PPP4R3A: variants seen among roughly 807,000 people sequenced by gnomAD.
PPP4R3A encodes the protein protein phosphatase 4 regulatory subunit 3A, also known as serine/threonine-protein phosphatase 4 regulatory subunit 3A.
PPP4R3A carries 15 observed loss-of-function variants against 91.7 expected under a neutral mutation model. The observed-to-expected ratio is 0.16, with a 90% confidence interval of 0.11 to 0.25. PPP4R3A has a LOEUF of 0.25. PPP4R3A is among the 10% of genes least tolerant of loss of function. The pLI, the probability that PPP4R3A is intolerant of heterozygous loss-of-function variation, is 1.00. For synonymous variants in PPP4R3A, 377 were observed against 348.7 expected (o/e 1.08, Z -0.91); for missense variants, 623 against 998.4 (o/e 0.62, Z 5.07).
intron 10 of PPP4R3A, 63 bp downstream of exon 10, chr14:91,470,774 A>G: frequency 6.4e-7 from 1 of 1,557,318 alleles, no homozygotes; most frequent in East Asian, 2.3e-5. Context: ...TCATTTGGGC[A>G]ATAAGATGTA....
At chr14:91,488,875 T>C (rs1242569349) in intron 2 of PPP4R3A, among the ~76,000 whole-genome samples, 1 of 149,652 alleles carries the variant, frequency 6.7e-6, no homozygotes, top group Non-Finnish European at 1.5e-5. Flanking sequence ...AGATATATAC[T>C]GTTATGAAAA....
intron 1 of PPP4R3A, among the ~76,000 whole-genome samples, chr14:91,494,585 A>G (rs1319914356): frequency 6.6e-6 from 1 of 152,220 alleles, no homozygotes; most frequent in Admixed American, 6.5e-5. Context: ...AATAAGGGCC[A>G]GGCACGGTGG....
At chr14:91,492,781 A>G (rs1371000928) in intron 1 of PPP4R3A, among the ~76,000 whole-genome samples, 1 of 152,190 alleles carries the variant, frequency 6.6e-6, no homozygotes, top group South Asian at 2.1e-4. Context: ...TTTTGGAGAA[A>G]ATACTGTTTT....
chr14:91,483,348 T>C (rs1889687091), intron 3 of PPP4R3A, among the ~76,000 whole-genome samples: 2 of 152,188 alleles, frequency 1.3e-5, no homozygotes, highest in Admixed American at 1.3e-4. Context: ...ATACTTTTCT[T>C]GAAATGTGCT....
chr14:91,470,525 T>C (rs1888770121), intron 10 of PPP4R3A, among the ~76,000 whole-genome samples: 1 of 152,228 alleles, frequency 6.6e-6, no homozygotes, highest in African/African-American at 2.4e-5. Context: ...TCACAGGCCA[T>C]GGGCTGGATC....
intron 7 of PPP4R3A, 127 bp from the exon 8 acceptor site, chr14:91,473,497 T>G (rs113956587): frequency 2.1e-6 from 2 of 957,766 alleles, no homozygotes; most frequent in Non-Finnish European, 3.0e-6. Context: ...AGTGAAATGT[T>G]TAACTCAGTT....
chr14:91,493,471 TTC>T (rs1890351045), intron 1 of PPP4R3A, among the ~76,000 whole-genome samples: 1 of 85,932 alleles, frequency 1.2e-5, no homozygotes, highest in African/African-American at 3.3e-5. Context: ...CTAGACTGGG[TTC>T]TAGACTGGGT....
At chr14:91,462,910 G>T in intron 11 of PPP4R3A, 33 bp from the exon 12 acceptor site, 1 of 1,529,826 alleles carries the variant, frequency 6.5e-7, no homozygotes, top group Non-Finnish European at 8.9e-7. Flanking sequence ...AAAAATGATA[G>T]GAAAATGTCA....
chr14:91,499,983 G>C, intron 1 of PPP4R3A, among the ~76,000 whole-genome samples: 1 of 152,132 alleles, frequency 6.6e-6, no homozygotes, highest in Non-Finnish European at 1.5e-5. Flanking sequence ...TGGTAGTACA[G>C]AGTGAGGTAT....
At chr14:91,501,768 G>C (rs146747546) in intron 1 of PPP4R3A, among the ~76,000 whole-genome samples, 1 of 150,244 alleles carries the variant, frequency 6.7e-6, no homozygotes, top group Non-Finnish European at 1.5e-5. Context: ...GCAGTGGCGC[G>C]ATCTTGGCTC....
At chr14:91,475,700 T>C (rs774105915) in intron 7 of PPP4R3A, 111 bp downstream of exon 7, 20 of 1,068,334 alleles carry the variant, frequency 1.9e-5, no homozygotes, top group Admixed American at 2.5e-5. Context: ...CTGTCTGATA[T>C]TATGGCTACA....
chr14:91,488,841 G>C (rs1890054521), intron 2 of PPP4R3A, among the ~76,000 whole-genome samples: 1 of 150,912 alleles, frequency 6.6e-6, no homozygotes, highest in South Asian at 2.1e-4. Context: ...CTGAGCCTCA[G>C]TTTCCTCATC....
chr14:91,489,984 A>G (rs1303002635), intron 2 of PPP4R3A, among the ~76,000 whole-genome samples: 2 of 152,096 alleles, frequency 1.3e-5, no homozygotes, highest in African/African-American at 4.8e-5. Flanking sequence ...TTAAAGATCA[A>G]TGATGAAGCA....
At position 91,509,668 on chromosome 14, in the gene PPP4R3A, G is replaced by T. The variant is rs749611634; in HGVS notation, c.-21C>A. The T allele has an allele frequency of 3.8e-6, 6 of 1,588,898 alleles. No homozygotes were observed. Among genetic ancestry groups the T allele is most frequent in the Non-Finnish European group, 5.1e-6 (6 of 1,174,812 alleles). On this transcript the variant is annotated 5_prime_UTR_variant, in exon 1 of 15. Coordinates refer to ENST00000554943, the MANE Select transcript of PPP4R3A (RefSeq NM_001366432.2). ...GTCATCGTGCCGCCCGGGAACCGGG[G>T]CGGGGGCCCCGCCAGTAGACGCCCA...
Position 91,486,870 on chromosome 14 carries a change from C to G in PPP4R3A, c.199-1140G>C, listed in dbSNP as rs1473970720. ...AGTGAGCTGAGACTGCCCCACTGCACTCCAGCCTGGGCAACAGGAGCAAAA... is the reference window on the plus strand; with the variant it reads ...AGTGAGCTGAGACTGCCCCACTGCAGTCCAGCCTGGGCAACAGGAGCAAAA... On this transcript the variant is annotated intron_variant, in intron 2 of 14. Transcript: ENST00000554943. 2.1e-5 allele frequency among the ~76,000 whole-genome samples: 3 copies of G among 145,322 alleles called. No individual in the cohort carries two copies. The East Asian group carries it at 6.1e-4, about 29-fold the overall frequency.
chr14:91,463,265 G>A (rs370100669), intron 11 of PPP4R3A, among the ~76,000 whole-genome samples: 2 of 151,740 alleles, frequency 1.3e-5, no homozygotes, highest in Non-Finnish European at 2.9e-5. Context: ...GGGTGTCTCC[G>A]TGTTGGTCAG....
At chr14:91,503,038 A>G (rs945037481) in intron 1 of PPP4R3A, among the ~76,000 whole-genome samples, 1 of 152,132 alleles carries the variant, frequency 6.6e-6, no homozygotes, top group Non-Finnish European at 1.5e-5. Flanking sequence ...CCCAGGCTGG[A>G]GTGCAGTAGC....
At chr14:91,486,184 T>C (rs180926024) in intron 2 of PPP4R3A, among the ~76,000 whole-genome samples, 20 of 152,192 alleles carry the variant, frequency 1.3e-4, no homozygotes, top group South Asian at 6.2e-4. Context: ...CTGAGGTCCA[T>C]GAAGCCCTTG....
rs181667075 is a variant in PPP4R3A at position 91,473,743 on chromosome 14, G to T, written c.1267-373C>A. On this transcript the variant is annotated intron_variant, in intron 7 of 14. Coordinates refer to ENST00000554943, the MANE Select transcript of PPP4R3A (RefSeq NM_001366432.2). ...AGTAAGAATATTTAGGTAGGATTTA[G>T]AACATCATAATACTTTCGTTGCTTT... 2.6e-5 allele frequency among the ~76,000 whole-genome samples: 4 copies of T among 152,262 alleles called. No homozygotes were observed. In the East Asian group the frequency reaches 7.7e-4, roughly 29 times the overall value.
Sources: gnomAD v4.1 joint callset for allele counts (sites outside exome capture counted in the v4.1 genomes callset) on GRCh38, gnomAD v4.1.1 for gene constraint, MANE v1.5 for transcripts, NCBI Gene and HGNC (gene_info 2026-07-23, HGNC 2026-07-21) for gene names.